The following EYS variants were observed in gnomAD, a reference collection of about 807,000 sequenced individuals.
The protein encoded by EYS is EGF-like photoreceptor maintenance factor.
Under a neutral mutation model 282.1 loss-of-function variants are expected in EYS, and 250 were observed. The observed-to-expected ratio is 0.89, with a 90% CI of 0.80 to 0.98. EYS has a LOEUF of 0.98. Ranked by LOEUF, EYS falls within the 50% of genes least tolerant of loss-of-function variation. The pLI is 0.00. For missense variants in EYS, 4,016 were observed against 3,709.0 expected (o/e 1.08, Z -2.15); for synonymous variants, 1,355 against 1,282.9 (o/e 1.06, Z -1.20).
chr6:65,692,576 T>C (rs1168986779), intron 1 of EYS, among the ~76,000 whole-genome samples: 1 of 150,150 alleles, frequency 6.7e-6, no homozygotes, highest in Non-Finnish European at 1.5e-5. Context: ...TTGTAAAAGA[T>C]GTCACTACAA....
chr6:64,482,489 G>A (rs951067808), intron 26 of EYS, among the ~76,000 whole-genome samples: 2 of 151,540 alleles, frequency 1.3e-5, no homozygotes, highest in Non-Finnish European at 3.0e-5. Flanking sequence ...TATGACAAAA[G>A]TACTTAAGTT....
intron 35 of EYS, among the ~76,000 whole-genome samples, chr6:63,925,329 G>A (rs1016024445): frequency 3.9e-5 from 6 of 152,190 alleles, no homozygotes; most frequent in South Asian, 2.1e-4. Context: ...AATAACAAGA[G>A]AAACAGAAGG....
chr6:64,365,934 A>ACAGAGTT (rs1772166730), intron 29 of EYS, among the ~76,000 whole-genome samples: 1 of 152,032 alleles, frequency 6.6e-6, no homozygotes. Flanking sequence ...ACTAACTAGA[A>ACAGAGTT]CAGAGTTCAG....
intron 41 of EYS, chr6:63,744,565 CTTTCTTTT>C: frequency 6.6e-6 from 1 of 151,478 alleles, no homozygotes; most frequent in South Asian, 2.1e-4. Context: ...GGGCTTCTTT[CTTTCTTTT>C]TTTTTTTTTT....
intron 36 of EYS, among the ~76,000 whole-genome samples, chr6:63,845,377 A>C (rs1249865435): frequency 6.6e-6 from 1 of 150,750 alleles, no homozygotes; most frequent in Admixed American, 6.6e-5. Context: ...ATCACTATAA[A>C]ATGATGCAAG....
intron 26 of EYS, among the ~76,000 whole-genome samples, chr6:64,514,471 G>T (rs942627434): frequency 1.3e-5 from 2 of 151,830 alleles, no homozygotes; most frequent in African/African-American, 4.8e-5. Flanking sequence ...TGTGACCTAA[G>T]CATGGTCATT....
At chr6:65,200,938 G>C (rs1037653948) in intron 12 of EYS, among the ~76,000 whole-genome samples, 1 of 152,066 alleles carries the variant, frequency 6.6e-6, no homozygotes, top group African/African-American at 2.4e-5. Context: ...GTATTCTAAA[G>C]ACTGTTTTTC....
intron 29 of EYS, among the ~76,000 whole-genome samples, chr6:64,326,629 T>C (rs914197823): frequency 6.6e-6 from 1 of 152,136 alleles, no homozygotes; most frequent in African/African-American, 2.4e-5. Flanking sequence ...TGGGGGCCCA[T>C]CTGGGATTGG....
chr6:65,010,622 G>A (rs1771836381), intron 13 of EYS, among the ~76,000 whole-genome samples: 1 of 152,224 alleles, frequency 6.6e-6, no homozygotes, highest in Non-Finnish European at 1.5e-5. Flanking sequence ...AGCGAGGTAT[G>A]CAGTGGTCAG....
At chr6:64,303,400 G>C (rs934445832) in intron 30 of EYS, among the ~76,000 whole-genome samples, 1 of 152,172 alleles carries the variant, frequency 6.6e-6, no homozygotes, top group Admixed American at 6.5e-5. Context: ...ATGCCTGACA[G>C]GCCTGTTGCT....
chr6:65,588,526 A>T (rs1765129794), intron 2 of EYS, among the ~76,000 whole-genome samples: 1 of 151,672 alleles, frequency 6.6e-6, no homozygotes, highest in Non-Finnish European at 1.5e-5. Flanking sequence ...TCTCTTTTAA[A>T]CTATTTCTAA....
chr6:65,626,573 C>A (rs892890508), intron 2 of EYS, among the ~76,000 whole-genome samples: 4 of 151,872 alleles, frequency 2.6e-5, no homozygotes, highest in Non-Finnish European at 4.4e-5. Context: ...TTAAACAAAC[C>A]CTAATTTTTT....
chr6:65,625,735 T>C (rs958462035), intron 2 of EYS, among the ~76,000 whole-genome samples: 14 of 152,218 alleles, frequency 9.2e-5, no homozygotes, highest in African/African-American at 3.4e-4. Context: ...TGCATCAAAC[T>C]ATTTTGTTTT....
At chr6:64,810,674 T>C (rs959501596) in intron 22 of EYS, among the ~76,000 whole-genome samples, 1 of 152,108 alleles carries the variant, frequency 6.6e-6, no homozygotes, top group African/African-American at 2.4e-5. Context: ...TGGAATATTC[T>C]GCAGGTCATT....
chr6:63,937,340 C>CTTTTCTTTTTTT (rs1765089619), intron 35 of EYS, among the ~76,000 whole-genome samples: 1 of 46,048 alleles, frequency 2.2e-5, no homozygotes. Context: ...AGGCTTCTCT[C>CTTTTCTTTTTTT]TTTTCTTTTT....
At chr6:65,146,075 T>G (rs1292819699) in intron 12 of EYS, among the ~76,000 whole-genome samples, 1 of 151,812 alleles carries the variant, frequency 6.6e-6, no homozygotes, top group African/African-American at 2.4e-5. Context: ...TTTGACTACT[T>G]TTTTGGTCAG....
At chr6:63,995,691 T>C (rs1767803017) in intron 34 of EYS, among the ~76,000 whole-genome samples, 1 of 152,010 alleles carries the variant, frequency 6.6e-6, no homozygotes, top group Admixed American at 6.6e-5. Flanking sequence ...AATGGATGAA[T>C]GGATAAAGAA....
At chr6:65,257,112 G>A (rs1486742487) in intron 12 of EYS, among the ~76,000 whole-genome samples, 1 of 65,442 alleles carries the variant, frequency 1.5e-5, no homozygotes, top group African/African-American at 8.4e-5. Context: ...CTTTTTGATG[G>A]GGTTGTTTGT....
At chr6:64,025,495 C>G (rs1337881512) in intron 33 of EYS, among the ~76,000 whole-genome samples, 2 of 152,162 alleles carry the variant, frequency 1.3e-5, no homozygotes, top group East Asian at 1.9e-4. Flanking sequence ...GAGGTTAGTC[C>G]TCCTTCTAAA....
Sources: allele counts gnomAD v4.1 joint callset (sites outside exome capture counted in the v4.1 genomes callset), GRCh38; gene constraint gnomAD v4.1.1; transcripts MANE v1.5; gene names NCBI Gene and HGNC (gene_info 2026-07-23, HGNC 2026-07-21).